The following LRP1B variants were observed in gnomAD, a reference collection of about 807,000 sequenced individuals.
The protein encoded by LRP1B is LDL receptor related protein 1B.
A neutral mutation model predicts 556.6 loss-of-function variants in LRP1B; 217 were observed. The ratio of observed to expected loss-of-function variants is 0.39; its 90% CI spans 0.35 to 0.44. LRP1B has a LOEUF of 0.44. LRP1B is among the 20% of genes least tolerant of loss of function. The pLI, the probability that LRP1B is intolerant of heterozygous loss-of-function variation, is 1.00. For missense variants in LRP1B, 5,053 were observed against 5,620.8 expected, an observed-to-expected ratio of 0.90 and a Z score of 3.23; for synonymous variants, 2,047 against 1,865.8, an observed-to-expected ratio of 1.10 and a Z score of -2.50.
intron 2 of LRP1B, among the ~76,000 whole-genome samples, chr2:141,598,576 T>C (rs1346905232): frequency 3.9e-5 from 6 of 152,144 alleles, no homozygotes; most frequent in Non-Finnish European, 8.8e-5. Flanking sequence ...TTCCATCTAA[T>C]CTTTCAAAGA....
chr2:140,886,991 T>C (rs4954861), intron 23 of LRP1B, among the ~76,000 whole-genome samples: 79,476 of 151,930 alleles, frequency 0.52, 22,422 homozygotes, highest in Middle Eastern at 0.66. Flanking sequence ...TTTTTTGTGC[T>C]TAAAAGAATG....
chr2:141,142,588 A>G (rs1701681263), intron 7 of LRP1B, among the ~76,000 whole-genome samples: 1 of 152,194 alleles, frequency 6.6e-6, no homozygotes, highest in South Asian at 2.1e-4. Flanking sequence ...TAGAAAAAAT[A>G]GTTTTTTTAT....
At chr2:140,772,165 C>A (rs1689335101) in intron 33 of LRP1B, among the ~76,000 whole-genome samples, 1 of 152,028 alleles carries the variant, frequency 6.6e-6, no homozygotes. Flanking sequence ...TTACATTTAT[C>A]CTATATAAAC....
At chr2:141,030,980 G>A (rs974792061) in intron 11 of LRP1B, among the ~76,000 whole-genome samples, 6 of 151,824 alleles carry the variant, frequency 4.0e-5, no homozygotes, top group Non-Finnish European at 7.4e-5. Context: ...TGAGTTATAA[G>A]AGAACATTTC....
In LRP1B at chr2:141,310,504, T is replaced by C. The variant is rs1041701244; in HGVS notation, c.344-55863A>G. ...TTCCATTCATCATTTTATGTGATGA[T>C]TGGAGAGATCAAGTTCTAACAAGTG... is the stretch of plus-strand genomic sequence containing the variant. On this transcript the variant is annotated intron_variant, in intron 3 of 90. Transcript: ENST00000389484. 2.0e-5 allele frequency among the ~76,000 whole-genome samples: 3 copies of C among 152,150 alleles called. No homozygotes were observed. In the East Asian group the frequency reaches 5.8e-4, roughly 29 times the overall value.
rs145553621 is a variant in LRP1B at position 140,733,381 on chromosome 2, A to T, written c.5759-16565T>A. ...TGATTATCAGACCCTAAAGCTAAAC[A>T]GTGAAAACTATGTCCGCAGAAAGCT... On this transcript the variant is annotated intron_variant, in intron 35 of 90. Coordinates refer to ENST00000389484, the MANE Select transcript of LRP1B (RefSeq NM_018557.3). 4.5e-3 allele frequency among the ~76,000 whole-genome samples: 683 copies of T among 152,304 alleles called. 9 individuals carry two copies. In the South Asian group the frequency reaches 0.045, roughly 10 times the overall value.
At chr2:142,113,625 AAACT>A (rs961958325) in intron 1 of LRP1B, among the ~76,000 whole-genome samples, 14 of 152,006 alleles carry the variant, frequency 9.2e-5, no homozygotes, top group African/African-American at 2.9e-4. Flanking sequence ...ACTAAAAACA[AAACT>A]AACTAACTAA....
chr2:140,836,343 A>G (rs1208841758), intron 31 of LRP1B, among the ~76,000 whole-genome samples: 1 of 152,204 alleles, frequency 6.6e-6, no homozygotes, highest in African/African-American at 2.4e-5. Context: ...GCATCAAAGC[A>G]GTGATTCATA....
intron 29 of LRP1B, among the ~76,000 whole-genome samples, chr2:140,841,474 C>T (rs990252661): frequency 6.6e-5 from 10 of 152,028 alleles, no homozygotes; most frequent in Non-Finnish European, 2.9e-5. Context: ...TACTTGTGGG[C>T]CATCAACAAA....
chr2:140,627,106 T>TA (rs2105266417), intron 41 of LRP1B, among the ~76,000 whole-genome samples: 1 of 152,252 alleles, frequency 6.6e-6, no homozygotes, highest in African/African-American at 2.4e-5. Flanking sequence ...TAATAGAACT[T>TA]AAAATGGACA....
At chr2:140,987,903 G>C (rs758560507) in intron 17 of LRP1B, among the ~76,000 whole-genome samples, 2 of 152,038 alleles carry the variant, frequency 1.3e-5, no homozygotes, top group African/African-American at 4.8e-5. Flanking sequence ...AGAATTGCTT[G>C]CACCTGGGAG....
intron 2 of LRP1B, among the ~76,000 whole-genome samples, chr2:141,496,492 G>A (rs752157649): frequency 2.0e-5 from 3 of 151,964 alleles, no homozygotes; most frequent in African/African-American, 7.2e-5. Context: ...CCCATTTTCT[G>A]GAAATACGTT....
At chr2:140,582,812 A>G (rs775854380) in intron 43 of LRP1B, among the ~76,000 whole-genome samples, 4 of 152,208 alleles carry the variant, frequency 2.6e-5, no homozygotes, top group Non-Finnish European at 5.9e-5. Flanking sequence ...TAAACGGACT[A>G]AGATACTGCA....
At chr2:141,119,928 T>G (rs558193844) in intron 7 of LRP1B, among the ~76,000 whole-genome samples, 129 of 152,054 alleles carry the variant, frequency 8.5e-4, no homozygotes, top group Non-Finnish European at 1.6e-3. Flanking sequence ...AATAATCATA[T>G]GTTGTATTCT....
intron 3 of LRP1B, among the ~76,000 whole-genome samples, chr2:141,267,200 T>C (rs751806195): frequency 1.3e-5 from 2 of 152,186 alleles, no homozygotes; most frequent in Admixed American, 6.5e-5. Flanking sequence ...AATCAGAGAA[T>C]AAACTAAGAC....
intron 3 of LRP1B, among the ~76,000 whole-genome samples, chr2:141,311,573 TGG>T (rs1558997086): frequency 1.3e-5 from 2 of 152,020 alleles, no homozygotes; most frequent in Non-Finnish European, 2.9e-5. Context: ...TGTCAGTAGG[TGG>T]GGTATTTGAG....
intron 32 of LRP1B, among the ~76,000 whole-genome samples, chr2:140,800,651 AC>A (rs1429165999): frequency 6.6e-6 from 1 of 152,180 alleles, no homozygotes; most frequent in Non-Finnish European, 1.5e-5. Context: ...ACCTTTAAGA[AC>A]CCAATACTCT....
intron 66 of LRP1B, among the ~76,000 whole-genome samples, chr2:140,387,247 C>T (rs115039868): frequency 0.013 from 1,972 of 152,144 alleles, 21 homozygotes; most frequent in Non-Finnish European, 0.021. Flanking sequence ...TTGTGCTTTA[C>T]TTCGAAATGC....
At position 141,165,768 on chromosome 2, in the gene LRP1B, C is replaced by T. The variant is rs138887026; in HGVS notation, c.1013+22653G>A. Among the ~76,000 whole-genome samples, 263 of 152,114 alleles carry T rather than the reference C, an allele frequency of 1.7e-3. 1 individual carries two copies. The highest frequency in any genetic ancestry group is 5.9e-3 in the African/African-American group (247 of 41,542). The stretch of plus-strand genomic sequence containing the variant: ...ATGAATATGTATGATTAAATTCATA[C>T]TCAATGAAAAATATACAATTATTTT... On this transcript the variant is annotated intron_variant, in intron 7 of 90. Transcript: ENST00000389484.
Sources: allele counts gnomAD v4.1 joint callset (sites outside exome capture counted in the v4.1 genomes callset), GRCh38; gene constraint gnomAD v4.1.1; transcripts MANE v1.5; gene names NCBI Gene and HGNC (gene_info 2026-07-23, HGNC 2026-07-21).